EXOC2: variants seen among roughly 807,000 people sequenced by gnomAD.
EXOC2 encodes exocyst complex component 2, also known as SEC5-like 1.
A neutral mutation model predicts 131.8 loss-of-function variants in EXOC2; 70 were observed. That is an observed-to-expected ratio of 0.53 (90% CI 0.44 to 0.65). The LOEUF (loss-of-function observed/expected upper bound fraction) is 0.65, where lower values mean the gene tolerates loss of function less well. EXOC2 is among the 30% of genes least tolerant of loss of function. The pLI is 0.00. For missense variants in EXOC2, 923 were observed against 1,108.6 expected, an observed-to-expected ratio of 0.83 and a Z score of 2.38; for synonymous variants, 411 against 398.4, an observed-to-expected ratio of 1.03 and a Z score of -0.38.
intron 6 of EXOC2, among the ~76,000 whole-genome samples, chr6:611,198 A>G (rs1760697640): frequency 6.6e-6 from 1 of 152,208 alleles, no homozygotes; most frequent in Non-Finnish European, 1.5e-5. Flanking sequence ...GACTATGCCT[A>G]AGCATTAGAA....
intron 25 of EXOC2, among the ~76,000 whole-genome samples, 179 bp from the exon 26 acceptor site, chr6:491,365 C>T (rs1164259349): frequency 6.6e-6 from 1 of 152,240 alleles, no homozygotes; most frequent in Non-Finnish European, 1.5e-5. Context: ...TTTGCTACCA[C>T]AAAATGTTCG....
At chr6:583,933 T>A (rs975809915) in intron 11 of EXOC2, among the ~76,000 whole-genome samples, 2 of 152,206 alleles carry the variant, frequency 1.3e-5, no homozygotes, top group Non-Finnish European at 2.9e-5. Context: ...CAGTTGTGCC[T>A]TTCCTTTTTT....
intron 23 of EXOC2, among the ~76,000 whole-genome samples, chr6:528,340 A>G (rs1765870503): frequency 6.6e-6 from 1 of 152,212 alleles, no homozygotes; most frequent in Admixed American, 6.5e-5. Context: ...TGAAGATAAT[A>G]CTAAAGTTGT....
At chr6:641,189 A>AAT (rs1417649127) in intron 1 of EXOC2, among the ~76,000 whole-genome samples, 3 of 152,026 alleles carry the variant, frequency 2.0e-5, no homozygotes, top group African/African-American at 7.2e-5. Context: ...GCTGACAGCT[A>AAT]ATGTCTAAAA....
intron 11 of EXOC2, 64 bp downstream of exon 11, chr6:592,405 A>G: frequency 1.5e-6 from 2 of 1,342,066 alleles, no homozygotes; most frequent in Non-Finnish European, 2.1e-6. Context: ...ATCATTAAAC[A>G]TTCCCAGAAT....
chr6:600,530 A>G (rs1244638080), intron 7 of EXOC2, among the ~76,000 whole-genome samples: 2 of 152,166 alleles, frequency 1.3e-5, no homozygotes, highest in African/African-American at 4.8e-5. Context: ...TTAATTACTT[A>G]TATGTTAGGT....
At chr6:583,558 G>A (rs545395575) in intron 11 of EXOC2, among the ~76,000 whole-genome samples, 1 of 152,214 alleles carries the variant, frequency 6.6e-6, no homozygotes, top group South Asian at 2.1e-4. Context: ...TTACTACATG[G>A]GGATCTACAA....
chr6:497,554 A>G, intron 24 of EXOC2, 65 bp from the exon 25 acceptor site: 1 of 1,540,436 alleles, frequency 6.5e-7, no homozygotes, highest in Non-Finnish European at 8.7e-7. Flanking sequence ...TTAAAGACAA[A>G]GTTAACATTC....
intron 1 of EXOC2, among the ~76,000 whole-genome samples, chr6:660,289 A>G (rs2127758974): frequency 6.6e-6 from 1 of 151,812 alleles, no homozygotes; most frequent in South Asian, 2.1e-4. Context: ...CCACACTACT[A>G]CAGCTGATGC....
intron 1 of EXOC2, among the ~76,000 whole-genome samples, chr6:660,405 G>A (rs61650706): frequency 1.8e-3 from 272 of 152,174 alleles, no homozygotes; most frequent in African/African-American, 5.7e-3. Flanking sequence ...TGCACCCTCC[G>A]CCACCTCCAC....
chr6:576,659 G>A (rs977066994), intron 12 of EXOC2, 98 bp downstream of exon 12: 1 of 1,460,692 alleles, frequency 6.8e-7, no homozygotes, highest in Non-Finnish European at 9.4e-7. Context: ...CTTAGCACCA[G>A]TATCAACACA....
intron 23 of EXOC2, among the ~76,000 whole-genome samples, chr6:517,550 T>TTATA (rs1765227303): frequency 1.6e-3 from 1 of 608 alleles, no homozygotes. Context: ...TGAAAAAAAC[T>TTATA]TAGTGTTCCA....
At chr6:627,480 T>C (rs1761636703) in intron 4 of EXOC2, among the ~76,000 whole-genome samples, 2 of 152,240 alleles carry the variant, frequency 1.3e-5, no homozygotes, top group Admixed American at 1.3e-4. Context: ...TCCCTGATGC[T>C]ACAGGATCCG....
At chr6:672,368 G>A (rs1763915583) in intron 1 of EXOC2, among the ~76,000 whole-genome samples, 1 of 152,162 alleles carries the variant, frequency 6.6e-6, no homozygotes, top group East Asian at 1.9e-4. Flanking sequence ...TATAATCATA[G>A]TTGTTTTAAA....
intron 4 of EXOC2, among the ~76,000 whole-genome samples, chr6:625,608 T>C (rs1275205625): frequency 6.7e-6 from 1 of 149,432 alleles, no homozygotes; most frequent in African/African-American, 2.5e-5. Flanking sequence ...GTTCTAAAGG[T>C]AAAGTCACCT....
intron 23 of EXOC2, among the ~76,000 whole-genome samples, chr6:523,217 G>A (rs1434321553): frequency 6.6e-6 from 1 of 152,228 alleles, no homozygotes; most frequent in Non-Finnish European, 1.5e-5. Context: ...AGTGCTACCA[G>A]TTTGGTGTCC....
chr6:547,935 A>G (rs1756949624), intron 22 of EXOC2, among the ~76,000 whole-genome samples: 1 of 152,184 alleles, frequency 6.6e-6, no homozygotes, highest in Non-Finnish European at 1.5e-5. Context: ...TACTGCAAAA[A>G]ACCTAGAGAA....
Position 633,001 on chromosome 6 carries a change from T to C in EXOC2, c.235A>G (p.Lys79Glu), listed in dbSNP as rs527853565. ...NDKGDIIVTTKSGGRGTSTVS... is the reference protein window; with the variant it reads ...NDKGDIIVTTESGGRGTSTVS... ...GTTGAGGTTCCTCTGCCACCTGACTTAGTGGTGACAATAATGTCTCCTTTG... is the reference window on the plus strand; with the variant it reads ...GTTGAGGTTCCTCTGCCACCTGACTCAGTGGTGACAATAATGTCTCCTTTG... The change falls in exon 3 of 28, where the codon AAG (lysine) becomes GAG (glutamate). Residue 79 changes from lysine (K) to glutamate (E), a missense_variant. Transcript: ENST00000230449. The C allele has an allele frequency of 1.2e-6, 2 of 1,614,192 alleles. No individual in the cohort carries two copies. The highest frequency in any genetic ancestry group is 1.1e-5 in the South Asian group (1 of 91,086).
intron 12 of EXOC2, 73 bp downstream of exon 12, chr6:576,684 C>A (rs1407503186): frequency 3.2e-6 from 5 of 1,567,958 alleles, no homozygotes; most frequent in Non-Finnish European, 3.5e-6. Context: ...GGGGAATTTT[C>A]CAAGAGAAGA....
Sources: gnomAD v4.1 joint callset for allele counts (sites outside exome capture counted in the v4.1 genomes callset) on GRCh38, gnomAD v4.1.1 for gene constraint, MANE v1.5 for transcripts, NCBI Gene and HGNC (gene_info 2026-07-23, HGNC 2026-07-21) for gene names.